SEPTIN9: variants seen among roughly 807,000 people sequenced by gnomAD.
SEPTIN9 encodes septin-9.
A neutral mutation model predicts 56.6 loss-of-function variants in SEPTIN9; 13 were observed. That is an observed-to-expected ratio of 0.23 (90% confidence interval 0.15 to 0.37). SEPTIN9 has a LOEUF of 0.37. Ranked by LOEUF, SEPTIN9 falls within the 10% of genes least tolerant of loss-of-function variation. The pLI, the probability that SEPTIN9 is intolerant of heterozygous loss-of-function variation, is 1.00. For synonymous variants in SEPTIN9, 332 were observed against 334.1 expected, an observed-to-expected ratio of 0.99 and a Z score of 0.07; for missense variants, 650 against 823.1, an observed-to-expected ratio of 0.79 and a Z score of 2.57.
At chr17:77,284,877 CTTGG>C (rs1311479528) in intron 1 of SEPTIN9, among the ~76,000 whole-genome samples, 7 of 152,310 alleles carry the variant, frequency 4.6e-5, no homozygotes, top group Non-Finnish European at 1.0e-4. Context: ...ATCTGCCTGC[CTTGG>C]CCTCCCAAAG....
rs776023660 is a variant in SEPTIN9, at chr17:77,475,658, G to A, written c.722-6486G>A. The A allele has an allele frequency of 1.1e-5, 18 of 1,613,760 alleles. No individual in the cohort carries two copies. Among genetic ancestry groups the A allele is most frequent in the African/African-American group, 4.0e-5 (3 of 74,936 alleles). ...CCAGTGTGCATTGTTACGAGGCAAA[G>A]TAAGGAGACTGCTGGGCCCACGCTG... On this transcript the variant is annotated intron_variant, in intron 3 of 11. Transcript: ENST00000427177. The surrounding 1 kb of genome is among the most constrained non-coding windows in gnomAD (Gnocchi z 4.6).
intron 2 of SEPTIN9, chr17:77,377,194 C>A (rs1259984270): frequency 6.6e-6 from 1 of 152,126 alleles, no homozygotes; most frequent in Non-Finnish European, 1.5e-5. Context: ...TTTAGAGTCT[C>A]ATTTTCTACT....
intron 3 of SEPTIN9, among the ~76,000 whole-genome samples, chr17:77,452,943 C>A (rs1255231640): frequency 6.6e-6 from 1 of 150,974 alleles, no homozygotes; most frequent in East Asian, 1.9e-4. Context: ...GAGATGTGGT[C>A]AAGGAAGGCC....
At chr17:77,284,199 CAGG>C (rs1454095066) in intron 1 of SEPTIN9, among the ~76,000 whole-genome samples, 1 of 152,186 alleles carries the variant, frequency 6.6e-6, no homozygotes, top group African/African-American at 2.4e-5. Context: ...GAGGCTGAGA[CAGG>C]AGGATCGCTT....
chr17:77,379,337 G>A (rs759810389), intron 2 of SEPTIN9, among the ~76,000 whole-genome samples: 10 of 151,870 alleles, frequency 6.6e-5, no homozygotes, highest in East Asian at 3.9e-4. Flanking sequence ...CACGGTGCCC[G>A]GTACACAGTG....
At chr17:77,305,897 TGGGTGGGTGGGG>T (rs1380468359) in intron 1 of SEPTIN9, among the ~76,000 whole-genome samples, 1 of 24,834 alleles carries the variant, frequency 4.0e-5, no homozygotes, top group Non-Finnish European at 7.8e-5. Context: ...GAAGGATGAG[TGGGTGGGTGGGG>T]GGGTGGGTGG....
chr17:77,378,267 G>A (rs2035005067), intron 2 of SEPTIN9, among the ~76,000 whole-genome samples: 1 of 152,220 alleles, frequency 6.6e-6, no homozygotes, highest in African/African-American at 2.4e-5. Flanking sequence ...GAGGGGCAGT[G>A]CTTTGGAGGA....
chr17:77,474,194 G>A (rs1317438321), intron 3 of SEPTIN9, among the ~76,000 whole-genome samples: 1 of 152,044 alleles, frequency 6.6e-6, no homozygotes, highest in Admixed American at 6.6e-5. Context: ...GTGTCTGCTG[G>A]GTAGATCTAC....
intron 3 of SEPTIN9, among the ~76,000 whole-genome samples, chr17:77,443,609 A>T (rs1181331643): frequency 6.6e-6 from 1 of 152,046 alleles, no homozygotes. Flanking sequence ...CCTGGCCAAC[A>T]TGGTGAAACC....
At position 77,451,689 on chromosome 17, in the gene SEPTIN9, C is replaced by T. The variant is rs2037978917; in HGVS notation, c.722-30455C>T. Among the ~76,000 whole-genome samples, 1 of 151,824 alleles carries T rather than the reference C, an allele frequency of 6.6e-6. No individual in the cohort carries two copies. Among genetic ancestry groups the T allele is most frequent in the African/African-American group, 2.4e-5 (1 of 41,334 alleles). On this transcript the variant is annotated intron_variant, in intron 3 of 11. Coordinates refer to ENST00000427177, the MANE Select transcript of SEPTIN9 (RefSeq NM_001113491.2). This position sits in a 1 kb window ranked among gnomAD's most constrained non-coding sequence, Gnocchi z 4.2. Reference sequence around the variant, plus strand: ...GGCCGGCAGGACCGAGCGGGGTCCCCAGGAGAGGGGTGGCGGGGAGCTCGA... The same window carrying T: ...GGCCGGCAGGACCGAGCGGGGTCCCTAGGAGAGGGGTGGCGGGGAGCTCGA...
At chr17:77,361,088 T>C (rs9913663) in intron 2 of SEPTIN9, among the ~76,000 whole-genome samples, 31,457 of 151,846 alleles carry the variant, frequency 0.21, 3,894 homozygotes, top group East Asian at 0.61. Flanking sequence ...CACGTCCAGC[T>C]AAATTTTGTA....
chr17:77,406,648 C>CTTTGT (rs2036085630), intron 3 of SEPTIN9, among the ~76,000 whole-genome samples: 1 of 150,890 alleles, frequency 6.6e-6, no homozygotes, highest in South Asian at 2.1e-4. Context: ...GGGCTGTTGT[C>CTTTGT]TTTGTTTTTT....
Position 77,307,372 on chromosome 17 carries a change from A to G in SEPTIN9, c.76+175A>G, listed in dbSNP as rs1398971372. On this transcript the variant is annotated intron_variant, in intron 2 of 11. Coordinates refer to ENST00000427177, the MANE Select transcript of SEPTIN9 (RefSeq NM_001113491.2). ...ACGGCTTTGGACTCAGGTGGCTTCC[A>G]GGCCTGTCGACGCTGCCCTGCTGGA... Among the ~76,000 whole-genome samples the G allele has an allele frequency of 2.0e-5, 3 of 152,202 alleles. No individual in the cohort carries two copies. The East Asian group carries it at 5.8e-4, about 29-fold the overall frequency.
rs1311471192 is a variant in SEPTIN9 at position 77,451,970 on chromosome 17, G to C, written c.722-30174G>C. 6.6e-6 allele frequency among the ~76,000 whole-genome samples: 1 copy of C among 152,212 alleles called. No homozygotes were observed. The highest frequency in any genetic ancestry group is 1.5e-5 in the Non-Finnish European group (1 of 68,038). ...GTTATCACCCCTCTGGGCTCCCGAA[G>C]ACCGGCTGGCTGGAGGCTGGAGATA... On this transcript the variant is annotated intron_variant, in intron 3 of 11. Coordinates refer to ENST00000427177, the MANE Select transcript of SEPTIN9 (RefSeq NM_001113491.2). This position sits in a 1 kb window ranked among gnomAD's most constrained non-coding sequence, Gnocchi z 4.2.
intron 3 of SEPTIN9, among the ~76,000 whole-genome samples, chr17:77,477,803 TGTGGG>T (rs1293455594): frequency 1.3e-5 from 2 of 152,194 alleles, no homozygotes; most frequent in South Asian, 4.1e-4. Context: ...TTGCTTTGAC[TGTGGG>T]GTGACGTGTC....
chr17:77,366,642 T>C (rs312887), intron 2 of SEPTIN9, among the ~76,000 whole-genome samples: 119,929 of 152,120 alleles, frequency 0.79, 47,575 homozygotes, highest in East Asian at 0.97. Flanking sequence ...TCCCTGCCCC[T>C]GCCACTTGCT....
chr17:77,302,671 C>T (rs1567982494), intron 1 of SEPTIN9, among the ~76,000 whole-genome samples: 1 of 152,130 alleles, frequency 6.6e-6, no homozygotes, highest in African/African-American at 2.4e-5. Context: ...GAAAAAGACT[C>T]CATCTCTAAA....
chr17:77,336,992 C>T (rs939537690), intron 2 of SEPTIN9, among the ~76,000 whole-genome samples: 6 of 135,848 alleles, frequency 4.4e-5, no homozygotes, highest in South Asian at 2.6e-4. Flanking sequence ...TTGATTTTTG[C>T]CCCCCGTTTT....
intron 10 of SEPTIN9, among the ~76,000 whole-genome samples, chr17:77,496,630 G>A: frequency 6.6e-6 from 1 of 152,246 alleles, no homozygotes; most frequent in East Asian, 1.9e-4. Context: ...GGTGCCCGTG[G>A]TCTCCTGCCC....
Sources: allele counts gnomAD v4.1 joint callset (sites outside exome capture counted in the v4.1 genomes callset), GRCh38; gene constraint gnomAD v4.1.1; non-coding constraint Gnocchi (gnomAD v3.1); transcripts MANE v1.5; gene names NCBI Gene and HGNC (gene_info 2026-07-23, HGNC 2026-07-21).